The following MTURN variants were observed in gnomAD, a reference collection of about 807,000 sequenced individuals.
MTURN encodes maturin.
MTURN carries 7 observed loss-of-function variants against 14.9 expected under a neutral mutation model. That is an observed-to-expected ratio of 0.47 (90% CI 0.27 to 0.88). The LOEUF is 0.88. Among genes scored for constraint, MTURN ranks in the 40% least tolerant of loss-of-function variants. The pLI is 0.14. For synonymous variants in MTURN, 69 were observed against 72.5 expected (o/e 0.95, Z 0.25); for missense variants, 151 against 174.1 (o/e 0.87, Z 0.75).
Position 30,146,165 on chromosome 7 carries a change from G to A in MTURN, c.163-12G>A, listed in dbSNP as rs115871625. 2,040 of 1,613,598 alleles carry A rather than the reference G, an allele frequency of 1.3e-3. 16 individuals are homozygous for A. The African/African-American group carries it at 0.02, about 16-fold the overall frequency. The stretch of plus-strand genomic sequence containing the variant: ...TCTTTGTTTTCTCCTTCCGTCGCCC[G>A]TGGGCACGCAGCACGTGTGGAGTGA... On this transcript the variant is annotated splice_polypyrimidine_tract_variant and intron_variant, in intron 1 of 2. Transcript: ENST00000324453.
rs1429317833 is a variant in MTURN, at chr7:30,160,462, G to C, written c.*2914G>C. On this transcript the variant is annotated 3_prime_UTR_variant, in exon 3 of 3. Transcript: ENST00000324453. Reference sequence around the variant, plus strand: ...TGGTGTATGTTTAACTTACCTGAGAGTGAGAGATGTGTAGGAAGAATAGCT... The same window carrying C: ...TGGTGTATGTTTAACTTACCTGAGACTGAGAGATGTGTAGGAAGAATAGCT... 1 of 152,308 alleles carries C rather than the reference G, an allele frequency of 6.6e-6. No individual in the cohort carries two copies. The highest frequency in any genetic ancestry group is 1.5e-5 in the Non-Finnish European group (1 of 68,110). The allele number at this position is 152,308 out of a possible 1,614,324, so 9.4% of individuals were successfully genotyped here. A position where few individuals can be genotyped will look rare whatever the true frequency, so the allele number is the denominator to read the frequency against.
chr7:30,145,041 T>C lies in MTURN; in HGVS notation c.163-1136T>C, dbSNP rs1328798318. ...CTCTGATGTTACCCTGGAAGCCCCGTGTCCCTGACTTGCTTAGATATGCAG... is the reference window on the plus strand; with the variant it reads ...CTCTGATGTTACCCTGGAAGCCCCGCGTCCCTGACTTGCTTAGATATGCAG... On this transcript the variant is annotated intron_variant, in intron 1 of 2. Transcript: ENST00000324453. Among the ~76,000 whole-genome samples, 6 of 149,998 alleles carry C rather than the reference T, an allele frequency of 4.0e-5. No individual in the cohort carries two copies. In the Admixed American group the frequency reaches 4.1e-4, roughly 10 times the overall value.
At position 30,159,534 on chromosome 7, in the gene MTURN, A is replaced by G. The variant is rs702829; in HGVS notation, c.*1986A>G. On this transcript the variant is annotated 3_prime_UTR_variant, in exon 3 of 3. Coordinates refer to ENST00000324453, the MANE Select transcript of MTURN (RefSeq NM_152793.3). ...AACATAAAATGTATTTTATCAAAAA[A>G]GTGTTTAGACTTTGACCAAATACAT... The G allele has an allele frequency of 0.51, 77,706 of 152,512 alleles. 19,897 individuals are homozygous for G. The highest frequency in any genetic ancestry group is 0.7 in the East Asian group (3,614 of 5,178). 9.4% of individuals were successfully genotyped at this position (152,512 alleles called of 1,614,324 possible). A position where few individuals can be genotyped will look rare whatever the true frequency, so the allele number is the denominator to read the frequency against.
intron 1 of MTURN, chr7:30,137,528 T>A (rs1259029601): frequency 4.4e-6 from 2 of 451,180 alleles, no homozygotes; most frequent in Non-Finnish European, 9.3e-6. Context: ...GAAAGTGTCA[T>A]GTAAACTGAC....
chr7:30,148,767 G>A (rs1410042017), intron 2 of MTURN, among the ~76,000 whole-genome samples: 1 of 152,042 alleles, frequency 6.6e-6, no homozygotes, highest in Non-Finnish European at 1.5e-5. Flanking sequence ...GGGGAAGGCT[G>A]CGGGGGCGGG....
chr7:30,143,414 C>T (rs985119849), intron 1 of MTURN, among the ~76,000 whole-genome samples: 1 of 147,892 alleles, frequency 6.8e-6, no homozygotes, highest in Non-Finnish European at 1.5e-5. Context: ...TCTTGTATCT[C>T]GTGATACCTT....
At position 30,157,603 on chromosome 7, in the gene MTURN, C is replaced by A; in HGVS notation, c.*55C>A. The A allele has an allele frequency of 1.5e-6, 2 of 1,335,548 alleles. No homozygotes were observed. The highest frequency in any genetic ancestry group is 2.8e-5 in the South Asian group (2 of 71,252). 82.7% of individuals were successfully genotyped at this position (1,335,548 alleles called of 1,614,324 possible). On this transcript the variant is annotated 3_prime_UTR_variant, in exon 3 of 3. Coordinates refer to ENST00000324453, the MANE Select transcript of MTURN (RefSeq NM_152793.3). ...AGCCCCACAGTAACCTAGGTGGGGT[C>A]ACTGCCCCTCCTGGGTTAGCATTTT...
intron 2 of MTURN, among the ~76,000 whole-genome samples, chr7:30,150,567 C>G (rs935845057): frequency 6.6e-6 from 1 of 152,176 alleles, no homozygotes; most frequent in Admixed American, 6.5e-5. Flanking sequence ...TCTAAGTTTT[C>G]TATGATCACA....
intron 2 of MTURN, among the ~76,000 whole-genome samples, chr7:30,154,509 C>T (rs991915413): frequency 6.6e-6 from 1 of 152,148 alleles, no homozygotes. Flanking sequence ...ACATAAGGCT[C>T]CATAGTTTGC....
chr7:30,138,037 A>G (rs1025338464), intron 1 of MTURN, among the ~76,000 whole-genome samples: 12 of 152,198 alleles, frequency 7.9e-5, no homozygotes, highest in African/African-American at 2.9e-4. Flanking sequence ...GCTGTAGATC[A>G]GACTACTTGG....
intron 1 of MTURN, among the ~76,000 whole-genome samples, chr7:30,143,357 T>A (rs1280166587): frequency 4.8e-5 from 6 of 125,868 alleles, no homozygotes; most frequent in Admixed American, 8.4e-5. Flanking sequence ...CCTTTGTCCT[T>A]TTTTTTTTTT....
rs1394461221 is a variant in MTURN at position 30,161,055 on chromosome 7, T to C, written c.*3507T>C. The C allele has an allele frequency of 6.6e-6, 1 of 152,668 alleles. No individual in the cohort carries two copies. The highest frequency in any genetic ancestry group is 1.5e-5 in the Non-Finnish European group (1 of 68,048). 9.5% of individuals were successfully genotyped at this position (152,668 alleles called of 1,614,324 possible). On this transcript the variant is annotated 3_prime_UTR_variant, in exon 3 of 3. Coordinates refer to ENST00000324453, the MANE Select transcript of MTURN (RefSeq NM_152793.3). ...GTCTCTAGCACAATATATTTCTGAATATTGTTTCTGTTTCATAAGAGCACA... is the reference window on the plus strand; with the variant it reads ...GTCTCTAGCACAATATATTTCTGAACATTGTTTCTGTTTCATAAGAGCACA...
chr7:30,138,116 T>C (rs1796993698), intron 1 of MTURN, among the ~76,000 whole-genome samples: 3 of 152,214 alleles, frequency 2.0e-5, no homozygotes, highest in South Asian at 4.2e-4. Context: ...GCCATACTTT[T>C]TTTTTCTTTT....
At chr7:30,150,222 A>T (rs1797187840) in intron 2 of MTURN, among the ~76,000 whole-genome samples, 2 of 152,218 alleles carry the variant, frequency 1.3e-5, no homozygotes, top group African/African-American at 4.8e-5. Context: ...AGTCAATGTT[A>T]GTATGATGTG....
chr7:30,149,620 G>C (rs1397511952), intron 2 of MTURN, among the ~76,000 whole-genome samples: 1 of 152,088 alleles, frequency 6.6e-6, no homozygotes, highest in Admixed American at 6.5e-5. Context: ...GCTTCCCAAT[G>C]GCACCATTTA....
At chr7:30,147,171 G>C (rs1797142168) in intron 2 of MTURN, among the ~76,000 whole-genome samples, 2 of 152,196 alleles carry the variant, frequency 1.3e-5, no homozygotes, top group African/African-American at 4.8e-5. Context: ...ATTTCATTTT[G>C]TAAGTCTGTT....
chr7:30,153,544 G>A lies in MTURN; in HGVS notation c.286-3894G>A, dbSNP rs78539406. 9.0e-4 allele frequency among the ~76,000 whole-genome samples: 137 copies of A among 152,180 alleles called. 3 individuals are homozygous for A. In the East Asian group the frequency reaches 0.021, roughly 23 times the overall value. Reference sequence around the variant, plus strand: ...TCACCCAGGTTTGAATTGAATCCTGGCTCTGCCACTTACTGGGTGACTCTA... The same window carrying A: ...TCACCCAGGTTTGAATTGAATCCTGACTCTGCCACTTACTGGGTGACTCTA... On this transcript the variant is annotated intron_variant, in intron 2 of 2. Transcript: ENST00000324453.
At chr7:30,145,837 C>T (rs1376552164) in intron 1 of MTURN, 2 of 1,539,272 alleles carry the variant, frequency 1.3e-6, no homozygotes, top group African/African-American at 1.4e-5. Flanking sequence ...TTCTCCTTCC[C>T]CATGTCTGAA....
At chr7:30,147,777 T>G (rs970042479) in intron 2 of MTURN, among the ~76,000 whole-genome samples, 1 of 152,252 alleles carries the variant, frequency 6.6e-6, no homozygotes, top group African/African-American at 2.4e-5. Context: ...CTTTTGTCAC[T>G]CTGATTTGCT....
Sources: gnomAD v4.1 joint callset for allele counts (sites outside exome capture counted in the v4.1 genomes callset) on GRCh38, gnomAD v4.1.1 for gene constraint, MANE v1.5 for transcripts, NCBI Gene and HGNC (gene_info 2026-07-23, HGNC 2026-07-21) for gene names.